The following NPAS3 variants were observed in gnomAD, a reference collection of about 807,000 sequenced individuals.
The protein encoded by NPAS3 is neuronal PAS domain protein 3, also known as neuronal PAS domain-containing protein 3.
NPAS3 carries 14 observed loss-of-function variants against 73.1 expected under a neutral mutation model. The ratio of observed to expected loss-of-function variants is 0.19; its 90% CI spans 0.13 to 0.30. The LOEUF (loss-of-function observed/expected upper bound fraction) is 0.30, where lower values mean the gene tolerates loss of function less well. Ranked by LOEUF, NPAS3 falls within the 10% of genes least tolerant of loss-of-function variation. The probability of loss-of-function intolerance (pLI) is 1.00; values close to 1 mark genes in which losing one functional copy is unlikely to be tolerated. For synonymous variants in NPAS3, 620 were observed against 541.5 expected, an observed-to-expected ratio of 1.14 and a Z score of -2.01; for missense variants, 1,096 against 1,250.0, an observed-to-expected ratio of 0.88 and a Z score of 1.86.
At chr14:33,010,810 C>G (rs1270662439) in intron 1 of NPAS3, among the ~76,000 whole-genome samples, 2 of 151,796 alleles carry the variant, frequency 1.3e-5, no homozygotes, top group Admixed American at 6.6e-5. Flanking sequence ...TGGCATGCAC[C>G]TGTAGTCCCA....
intron 5 of NPAS3, among the ~76,000 whole-genome samples, chr14:33,656,597 T>C (rs188986225): frequency 4.6e-4 from 70 of 152,298 alleles, no homozygotes; most frequent in Non-Finnish European, 9.0e-4. Flanking sequence ...AAATTGTGTG[T>C]ATTTGAGGTG....
intron 3 of NPAS3, among the ~76,000 whole-genome samples, chr14:33,320,979 T>G (rs1241908389): frequency 2.0e-5 from 3 of 152,132 alleles, no homozygotes; most frequent in African/African-American, 7.2e-5. Flanking sequence ...CATGCTTTCC[T>G]TGTCCTACAA....
intron 3 of NPAS3, among the ~76,000 whole-genome samples, chr14:33,317,078 G>A (rs1300938574): frequency 6.6e-6 from 1 of 152,022 alleles, no homozygotes; most frequent in East Asian, 1.9e-4. Flanking sequence ...GCTTGCTGAA[G>A]GATTTAAGGA....
At chr14:33,538,958 T>G (rs1013023355) in intron 4 of NPAS3, among the ~76,000 whole-genome samples, 1 of 152,154 alleles carries the variant, frequency 6.6e-6, no homozygotes, top group Non-Finnish European at 1.5e-5. Context: ...TGATTTTATC[T>G]TTATTTTATT....
intron 1 of NPAS3, among the ~76,000 whole-genome samples, chr14:32,992,721 C>G (rs1446743280): frequency 2.6e-5 from 4 of 152,086 alleles, no homozygotes; most frequent in Non-Finnish European, 5.9e-5. Context: ...TTATAGGAAA[C>G]ATACATAAAC....
At chr14:33,440,127 A>AAG (rs1033795433) in intron 4 of NPAS3, among the ~76,000 whole-genome samples, 4 of 151,890 alleles carry the variant, frequency 2.6e-5, no homozygotes, top group Non-Finnish European at 5.9e-5. Flanking sequence ...AAAAAAAAAA[A>AAG]AAAAGAAAAA....
chr14:33,280,781 C>A (rs1043592444), intron 3 of NPAS3, among the ~76,000 whole-genome samples: 1 of 152,132 alleles, frequency 6.6e-6, no homozygotes. Flanking sequence ...CTATTGGTAA[C>A]GCAGCTAGTC....
chr14:33,411,106 C>T (rs2047904032), intron 4 of NPAS3, among the ~76,000 whole-genome samples: 1 of 152,202 alleles, frequency 6.6e-6, no homozygotes, highest in African/African-American at 2.4e-5. Context: ...AAGTTTCCAT[C>T]TAGATTCTGG....
At chr14:33,457,997 G>A (rs1399060550) in intron 4 of NPAS3, among the ~76,000 whole-genome samples, 1 of 152,188 alleles carries the variant, frequency 6.6e-6, no homozygotes, top group Non-Finnish European at 1.5e-5. Context: ...CTCACTGGTT[G>A]ATGTGTTTTT....
chr14:33,422,496 C>T (rs933272888), intron 4 of NPAS3, among the ~76,000 whole-genome samples: 2 of 151,820 alleles, frequency 1.3e-5, no homozygotes, highest in African/African-American at 4.8e-5. Flanking sequence ...TACCTTCTGT[C>T]CCTATGGTGA....
intron 5 of NPAS3, among the ~76,000 whole-genome samples, chr14:33,638,805 T>C (rs926564757): frequency 3.3e-5 from 5 of 152,250 alleles, no homozygotes; most frequent in African/African-American, 1.2e-4. Context: ...AATGTGTGGA[T>C]TTTGTTGGGA....
At chr14:33,385,269 A>T (rs2046729272) in intron 4 of NPAS3, among the ~76,000 whole-genome samples, 1 of 152,124 alleles carries the variant, frequency 6.6e-6, no homozygotes, top group South Asian at 2.1e-4. Context: ...TTGTTCACAC[A>T]GCTGTTCTCG....
At chr14:33,774,852 G>A (rs1359383463) in intron 8 of NPAS3, among the ~76,000 whole-genome samples, 5 of 152,170 alleles carry the variant, frequency 3.3e-5, no homozygotes, top group Admixed American at 1.3e-4. Context: ...AAAATGTATT[G>A]CCTGATGCCT....
chr14:33,574,480 T>C (rs1199535068), intron 5 of NPAS3, among the ~76,000 whole-genome samples: 1 of 152,140 alleles, frequency 6.6e-6, no homozygotes, highest in African/African-American at 2.4e-5. Context: ...CCATGAAGGC[T>C]GGGGCCAAAA....
Position 33,687,069 on chromosome 14 carries a change from G to A in NPAS3, c.733+10684G>A, listed in dbSNP as rs952920940. On this transcript the variant is annotated intron_variant, in intron 6 of 11. Transcript: ENST00000356141. ...GAGGCCTTGCAAAGGAAGAAACGAT[G>A]ATTTGGAATTAAGATAACATTTAGA... Among the ~76,000 whole-genome samples the A allele has an allele frequency of 3.9e-5, 6 of 152,176 alleles. No homozygotes were observed. The East Asian group carries it at 7.7e-4, about 20-fold the overall frequency.
intron 2 of NPAS3, among the ~76,000 whole-genome samples, chr14:33,118,355 A>C (rs1350915773): frequency 6.6e-6 from 1 of 152,166 alleles, no homozygotes; most frequent in African/African-American, 2.4e-5. Context: ...TGATTTAATG[A>C]CACTATAACA....
chr14:33,182,496 A>G (rs772617083), intron 2 of NPAS3, among the ~76,000 whole-genome samples: 2 of 152,248 alleles, frequency 1.3e-5, no homozygotes, highest in Non-Finnish European at 2.9e-5. Context: ...AAATAAAACA[A>G]GTGCAGCAGT....
intron 6 of NPAS3, among the ~76,000 whole-genome samples, chr14:33,724,011 A>C (rs1566469083): frequency 1.3e-5 from 2 of 152,176 alleles, no homozygotes; most frequent in Non-Finnish European, 2.9e-5. Context: ...TTGGGCTTTA[A>C]CCAGGCTTCA....
chr14:33,034,446 T>C (rs2040096008), intron 1 of NPAS3, among the ~76,000 whole-genome samples: 1 of 151,606 alleles, frequency 6.6e-6, no homozygotes, highest in African/African-American at 2.4e-5. Flanking sequence ...CTGAGTTATA[T>C]AAGGAAATAT....
Sources: gnomAD v4.1 joint callset for allele counts (sites outside exome capture counted in the v4.1 genomes callset) on GRCh38, gnomAD v4.1.1 for gene constraint, MANE v1.5 for transcripts, NCBI Gene and HGNC (gene_info 2026-07-23, HGNC 2026-07-21) for gene names.